Variants in ANKRD34C observed in about 807,000 individuals in gnomAD.
The protein encoded by ANKRD34C is ankyrin repeat domain 34C, also known as ankyrin repeat domain-containing protein 34C.
For missense variants in ANKRD34C, 563 were observed against 653.0 expected (o/e 0.86, Z 1.50); for synonymous variants, 260 against 253.6 (o/e 1.03, Z -0.24).
rs767465227 is a variant in ANKRD34C at position 79,295,715 on chromosome 15, C to T, written c.*823C>T. The T allele has an allele frequency of 1.2e-5, 2 of 166,862 alleles. No homozygotes were observed. Among genetic ancestry groups the T allele is most frequent in the African/African-American group, 4.8e-5 (2 of 41,460 alleles). 10.3% of individuals were successfully genotyped at this position (166,862 alleles called of 1,614,324 possible). A position where few individuals can be genotyped will look rare whatever the true frequency, so the allele number is the denominator to read the frequency against. On this transcript the variant is annotated 3_prime_UTR_variant, in exon 2 of 2. Transcript: ENST00000421388. ...TGATACAATTATAGATTAAAAATAT[C>T]AGAAGCATTTCCAGATTATTCTTAA... is the stretch of plus-strand genomic sequence containing the variant.
chr15:79,289,393 T>C (rs1464479738), intron 1 of ANKRD34C, among the ~76,000 whole-genome samples: 1 of 152,180 alleles, frequency 6.6e-6, no homozygotes, highest in East Asian at 1.9e-4. Context: ...GAAAAGAACC[T>C]GTATGCCTTA....
rs1349930365 is a variant in ANKRD34C at position 79,294,085 on chromosome 15, G to C, written c.801G>C (p.Thr267=). 6.4e-7 allele frequency: 1 copy of C among 1,551,416 alleles called. No homozygotes were observed. Among genetic ancestry groups the C allele is most frequent in the Non-Finnish European group, 8.7e-7 (1 of 1,147,004 alleles). ...CGCCCTCGGTGCTGGCAGCCTCGAC[G>C]CGTCAGGATGAGACCCATGGTGCCA... ...LIAPSVLAAS[T]RQDETHGAST... Residue 267 remains threonine (T), a synonymous_variant, in exon 2 of 2, where the codon ACG becomes ACC. Coordinates refer to ENST00000421388, the MANE Select transcript of ANKRD34C (RefSeq NM_001146341.2).
intron 1 of ANKRD34C, among the ~76,000 whole-genome samples, chr15:79,290,791 A>G (rs2058657101): frequency 6.6e-6 from 1 of 152,198 alleles, no homozygotes; most frequent in Non-Finnish European, 1.5e-5. Flanking sequence ...AAACTACCAC[A>G]GGTATAAACC....
chr15:79,285,255 C>A (rs1291100287), intron 1 of ANKRD34C, among the ~76,000 whole-genome samples: 1 of 152,176 alleles, frequency 6.6e-6, no homozygotes, highest in African/African-American at 2.4e-5. Context: ...GGTCTAGGAA[C>A]TTTGAAAATG....
At position 79,296,355 on chromosome 15, in the gene ANKRD34C, T is replaced by A. The variant is rs1050782911; in HGVS notation, c.*1463T>A. On this transcript the variant is annotated 3_prime_UTR_variant, in exon 2 of 2. Transcript: ENST00000421388. ...AATTAAATGACACAATGTATGAAAG[T>A]GCTGCCATTGTGCCTGGCACAGGTA... The A allele has an allele frequency of 6.0e-6, 1 of 167,142 alleles. No individual in the cohort carries two copies. Among genetic ancestry groups the A allele is most frequent in the South Asian group, 2.1e-4 (1 of 4,834 alleles). The allele number at this position is 167,142 out of a possible 1,614,324, so 10.4% of individuals were successfully genotyped here.
intron 1 of ANKRD34C, among the ~76,000 whole-genome samples, chr15:79,292,471 A>C (rs1449949671): frequency 6.6e-6 from 1 of 152,176 alleles, no homozygotes. Context: ...TCTGCCTCCT[A>C]TCAGTTCAAC....
At chr15:79,288,157 G>C (rs1306364813) in intron 1 of ANKRD34C, among the ~76,000 whole-genome samples, 1 of 152,202 alleles carries the variant, frequency 6.6e-6, no homozygotes, top group African/African-American at 2.4e-5. Flanking sequence ...CTTCCTGAAA[G>C]GGCATTTCAT....
Position 79,293,491 on chromosome 15 carries a change from G to A in ANKRD34C, c.207G>A (p.Lys69=), listed in dbSNP as rs748425838. 5.3e-5 allele frequency: 83 copies of A among 1,551,524 alleles called. No individual in the cohort carries two copies. The African/African-American group carries it at 1.1e-3, about 20-fold the overall frequency. The change falls in exon 2 of 2, where the codon AAG becomes AAA. Residue 69 remains lysine (K), a synonymous_variant. Coordinates refer to ENST00000421388, the MANE Select transcript of ANKRD34C (RefSeq NM_001146341.2). Reference sequence around the variant, plus strand: ...GCATCAGCAAGTCCAAGATGGTGAAGTACCTGCTGGACAACAGGGCAGACC... The same window carrying A: ...GCATCAGCAAGTCCAAGATGGTGAAATACCTGCTGGACAACAGGGCAGACC... ...QQSISKSKMV[K]YLLDNRADPN...
chr15:79,287,598 G>A (rs962771114), intron 1 of ANKRD34C, among the ~76,000 whole-genome samples: 2 of 152,232 alleles, frequency 1.3e-5, no homozygotes, highest in African/African-American at 2.4e-5. Flanking sequence ...GAATGAGCAA[G>A]TAATGCCAGT....
chr15:79,294,823 C>A lies in ANKRD34C; in HGVS notation c.1539C>A (p.Leu513=). Residue 513 remains leucine (L), a synonymous_variant, in exon 2 of 2, where the codon CTC becomes CTA. Coordinates refer to ENST00000421388, the MANE Select transcript of ANKRD34C (RefSeq NM_001146341.2). ...TTGACTTAAGAAGTAAAAAGAAGCT[C>A]CTCAGAAGGCATTCTATGCAAATTG... ...KRVDLRSKKK[L]LRRHSMQIEQ... 1 of 1,551,052 alleles carries A rather than the reference C, an allele frequency of 6.4e-7. No individual in the cohort carries two copies. Among genetic ancestry groups the A allele is most frequent in the South Asian group, 1.2e-5 (1 of 83,918 alleles).
intron 1 of ANKRD34C, among the ~76,000 whole-genome samples, chr15:79,284,193 G>A (rs552470110): frequency 5.4e-4 from 83 of 152,316 alleles, no homozygotes; most frequent in African/African-American, 1.9e-3. Flanking sequence ...AAGAGAGGCC[G>A]AGTAACTTGT....
Position 79,294,524 on chromosome 15 carries a change from T to G in ANKRD34C, c.1240T>G (p.Ser414Ala), listed in dbSNP as rs2058667694. ...AAAGAAGCTCAACAGCTCTCACTTG[T>G]CTCTTTTCCATGGCTCTCGGGAGTC... ...DRKKLNSSHLSLFHGSRESLD... is the reference protein window; with the variant it reads ...DRKKLNSSHLALFHGSRESLD... The change falls in exon 2 of 2, where the codon TCT (serine) becomes GCT (alanine). Residue 414 changes from serine to alanine, a missense_variant. Transcript: ENST00000421388. The G allele has an allele frequency of 1.3e-6, 2 of 1,551,632 alleles. No homozygotes were observed. The highest frequency in any genetic ancestry group is 2.7e-5 in the African/African-American group (2 of 73,128).
At chr15:79,289,744 T>C (rs923234191) in intron 1 of ANKRD34C, among the ~76,000 whole-genome samples, 1 of 152,134 alleles carries the variant, frequency 6.6e-6, no homozygotes, top group African/African-American at 2.4e-5. Context: ...ATCACACAGC[T>C]GAGAAGGGAG....
chr15:79,283,633 T>C (rs2058635239), intron 1 of ANKRD34C: 1 of 152,200 alleles, frequency 6.6e-6, no homozygotes, highest in Non-Finnish European at 1.5e-5. Context: ...TGAGAAATGA[T>C]GGGAGAAGCA....
chr15:79,286,260 G>A (rs1165590849), intron 1 of ANKRD34C, among the ~76,000 whole-genome samples: 1 of 151,978 alleles, frequency 6.6e-6, no homozygotes, highest in Non-Finnish European at 1.5e-5. Context: ...GTAGAGACAG[G>A]GAGTACAGCA....
chr15:79,295,075 T>C lies in ANKRD34C; in HGVS notation c.*183T>C, dbSNP rs1349148464. On this transcript the variant is annotated 3_prime_UTR_variant, in exon 2 of 2. Transcript: ENST00000421388. The stretch of plus-strand genomic sequence containing the variant: ...AGGCCTACTTGAAAAGAGCTCAGGA[T>C]AATTGGGTTTTGAAGATAAATTTTT... The C allele has an allele frequency of 1.3e-5, 9 of 679,928 alleles. No individual in the cohort carries two copies. The highest frequency in any genetic ancestry group is 3.0e-5 in the South Asian group (1 of 33,020). 42.1% of individuals were successfully genotyped at this position (679,928 alleles called of 1,614,324 possible). A position where few individuals can be genotyped will look rare whatever the true frequency, so the allele number is the denominator to read the frequency against.
chr15:79,291,597 C>CAGAGAGAG (rs1410785595), intron 1 of ANKRD34C, among the ~76,000 whole-genome samples: 1 of 111,556 alleles, frequency 9.0e-6, no homozygotes, highest in East Asian at 3.0e-4. Context: ...CACACACACA[C>CAGAGAGAG]ACACAGAGAG....
Position 79,293,532 on chromosome 15 carries a change from A to G in ANKRD34C, c.248A>G (p.Lys83Arg). The change falls in exon 2 of 2, where the codon AAG becomes AGG. Residue 83 changes from lysine to arginine, a missense_variant. Lys to Arg is a conservative substitution (Grantham distance 26, BLOSUM62 2). Coordinates refer to ENST00000421388, the MANE Select transcript of ANKRD34C (RefSeq NM_001146341.2). The part of the protein sequence containing the change: ...DNRADPNIQD[K>R]SGKTALIHAC... ...AGGGCAGACCCCAATATCCAAGATA[A>G]GTCTGGCAAGACTGCCCTCATCCAT... is the stretch of plus-strand genomic sequence containing the variant. 4 of 1,551,618 alleles carry G rather than the reference A, an allele frequency of 2.6e-6. No individual in the cohort carries two copies. Among genetic ancestry groups the G allele is most frequent in the Non-Finnish European group, 3.5e-6 (4 of 1,146,948 alleles).
chr15:79,290,976 G>C (rs904544168), intron 1 of ANKRD34C, among the ~76,000 whole-genome samples: 1 of 152,146 alleles, frequency 6.6e-6, no homozygotes, highest in African/African-American at 2.4e-5. Flanking sequence ...GATTTTCCTT[G>C]AGTACTAATA....
Sources: gnomAD v4.1 joint callset for allele counts (sites outside exome capture counted in the v4.1 genomes callset) on GRCh38, gnomAD v4.1.1 for gene constraint, MANE v1.5 for transcripts, NCBI Gene and HGNC (gene_info 2026-07-23, HGNC 2026-07-21) for gene names.